The following PCDHA3 variants were observed in gnomAD, a reference collection of about 807,000 sequenced individuals.
PCDHA3 encodes the protein protocadherin alpha 3.
Under a neutral mutation model 62.2 loss-of-function variants are expected in PCDHA3, and 41 were observed. That is an observed-to-expected ratio of 0.66 (90% CI 0.51 to 0.86). The LOEUF (loss-of-function observed/expected upper bound fraction) is 0.86, where lower values mean the gene tolerates loss of function less well. Among genes scored for constraint, PCDHA3 ranks in the 40% least tolerant of loss-of-function variants. The pLI is 0.00. For synonymous variants in PCDHA3, 640 were observed against 555.4 expected, an observed-to-expected ratio of 1.15 and a Z score of -2.14; for missense variants, 1,304 against 1,241.2, an observed-to-expected ratio of 1.05 and a Z score of -0.76.
intron 1 of PCDHA3, chr5:140,805,064 G>A (rs1554123216): frequency 6.3e-7 from 1 of 1,592,792 alleles, no homozygotes; most frequent in Admixed American, 1.7e-5. Flanking sequence ...TCCCAGATAT[G>A]GAACTTCAAT....
intron 1 of PCDHA3, chr5:140,882,587 G>A (rs559310344): frequency 6.2e-7 from 1 of 1,614,256 alleles, no homozygotes; most frequent in East Asian, 2.2e-5. Flanking sequence ...CATCCACCTG[G>A]AGGTGATCGT....
intron 3 of PCDHA3, among the ~76,000 whole-genome samples, chr5:141,000,401 A>ATT (rs2097917579): frequency 1.3e-5 from 1 of 76,232 alleles, no homozygotes; most frequent in Non-Finnish European, 2.5e-5. Flanking sequence ...CTCTCTATAT[A>ATT]TATATATATA....
chr5:140,877,334 C>A (rs375199455), intron 1 of PCDHA3: 13 of 1,614,002 alleles, frequency 8.1e-6, no homozygotes, highest in Non-Finnish European at 1.0e-5. Flanking sequence ...GCGCACATCC[C>A]GTTCCACGTG....
intron 1 of PCDHA3, among the ~76,000 whole-genome samples, chr5:140,960,521 A>C (rs950989969): frequency 9.9e-5 from 15 of 152,162 alleles, no homozygotes; most frequent in Non-Finnish European, 1.5e-5. Context: ...CATAATGGGT[A>C]TAGGAAAGAG....
At chr5:140,978,716 T>C (rs1317618418) in intron 1 of PCDHA3, among the ~76,000 whole-genome samples, 2 of 152,252 alleles carry the variant, frequency 1.3e-5, no homozygotes, top group African/African-American at 4.8e-5. Flanking sequence ...CTTTACAAGA[T>C]TATTAAATCT....
intron 1 of PCDHA3, among the ~76,000 whole-genome samples, chr5:140,952,443 C>T (rs1264311770): frequency 6.6e-6 from 1 of 152,128 alleles, no homozygotes; most frequent in East Asian, 1.9e-4. Flanking sequence ...AGGCATAATA[C>T]AGCCAGGCTC....
chr5:140,883,569 C>T (rs781786717), intron 1 of PCDHA3: 3 of 1,614,134 alleles, frequency 1.9e-6, no homozygotes, highest in Non-Finnish European at 2.5e-6. Flanking sequence ...GGCTCGCCTT[C>T]GCTGTGGGCC....
intron 1 of PCDHA3, among the ~76,000 whole-genome samples, chr5:140,905,373 G>A (rs556428182): frequency 6.6e-6 from 1 of 152,118 alleles, no homozygotes; most frequent in East Asian, 1.9e-4. Context: ...CTGGTTCTCT[G>A]TTCTGTTTCA....
At chr5:140,884,044 G>A (rs374333847) in intron 1 of PCDHA3, 16 of 1,613,358 alleles carry the variant, frequency 9.9e-6, no homozygotes, top group Non-Finnish European at 1.4e-5. Context: ...ACGTGGTGGC[G>A]AAGGTGCGCG....
intron 1 of PCDHA3, chr5:140,841,441 A>G: frequency 1.2e-6 from 2 of 1,612,978 alleles, no homozygotes; most frequent in Non-Finnish European, 1.7e-6. Context: ...AGGAGGCCAA[A>G]CACGGCACCT....
intron 1 of PCDHA3, among the ~76,000 whole-genome samples, chr5:140,838,365 C>T (rs1775701079): frequency 6.7e-6 from 1 of 149,948 alleles, no homozygotes; most frequent in African/African-American, 2.5e-5. Context: ...CTCAAGTGAT[C>T]TGACTGCCTC....
At chr5:140,822,922 C>G in intron 1 of PCDHA3, 3 of 1,614,270 alleles carry the variant, frequency 1.9e-6, no homozygotes, top group Non-Finnish European at 2.5e-6. Flanking sequence ...TGCCAACGGG[C>G]AGGTGACCTG....
rs1446529645 is a variant in PCDHA3, at chr5:140,923,539, C to CA, written c.2395-55406dup. ...GTGAGATTCTGTCCCAAAAAAAGGA[C>CA]AAAATGAAATATCAGCAATGAAAGG... On this transcript the variant is annotated intron_variant, in intron 1 of 3. Coordinates refer to ENST00000522353, the MANE Select transcript of PCDHA3 (RefSeq NM_018906.3). 3.3e-5 allele frequency among the ~76,000 whole-genome samples: 5 copies of CA among 152,090 alleles called. No individual in the cohort carries two copies. The South Asian group carries it at 8.3e-4, about 25-fold the overall frequency.
intron 1 of PCDHA3, chr5:140,828,102 C>T: frequency 6.8e-6 from 11 of 1,608,522 alleles, no homozygotes; most frequent in Non-Finnish European, 9.3e-6. Flanking sequence ...ATGGTGTTTA[C>T]CCCGGAGGAT....
chr5:140,849,276 G>T, intron 1 of PCDHA3: 1 of 1,173,354 alleles, frequency 8.5e-7, no homozygotes, highest in Non-Finnish European at 1.2e-6. Flanking sequence ...CGGAACGCTG[G>T]TGATTCACCC....
intron 1 of PCDHA3, chr5:140,805,198 C>A (rs1160602413): frequency 6.9e-7 from 1 of 1,448,348 alleles, no homozygotes; most frequent in Non-Finnish European, 9.1e-7. Context: ...TATTGAATAG[C>A]TACCAAATAA....
At chr5:141,008,686 A>G (rs1419778370) in intron 3 of PCDHA3, among the ~76,000 whole-genome samples, 1 of 152,174 alleles carries the variant, frequency 6.6e-6, no homozygotes, top group Non-Finnish European at 1.5e-5. Flanking sequence ...TAGTTATTGC[A>G]TGTATTAAGT....
At chr5:140,834,013 C>T (rs1286053645) in intron 1 of PCDHA3, among the ~76,000 whole-genome samples, 3 of 152,146 alleles carry the variant, frequency 2.0e-5, no homozygotes, top group East Asian at 1.9e-4. Context: ...TCTGGTAACA[C>T]TGAGTATTCA....
chr5:140,873,537 A>G, intron 1 of PCDHA3, among the ~76,000 whole-genome samples: 1 of 152,274 alleles, frequency 6.6e-6, no homozygotes, highest in Admixed American at 6.5e-5. Flanking sequence ...TCTATGGTAT[A>G]AAATTATAAT....
Sources: gnomAD v4.1 joint callset for allele counts (sites outside exome capture counted in the v4.1 genomes callset) on GRCh38, gnomAD v4.1.1 for gene constraint, MANE v1.5 for transcripts, NCBI Gene and HGNC (gene_info 2026-07-23, HGNC 2026-07-21) for gene names.